Variants in NFKBIZ observed in about 807,000 individuals in gnomAD.
NFKBIZ encodes NF-kappa-B inhibitor zeta.
NFKBIZ carries 19 observed loss-of-function variants against 76.8 expected under a neutral mutation model. The ratio of observed to expected loss-of-function variants is 0.25; its 90% CI spans 0.17 to 0.36. NFKBIZ has a LOEUF of 0.36. Among genes scored for constraint, NFKBIZ ranks in the 10% least tolerant of loss-of-function variants. The pLI is 1.00. For synonymous variants in NFKBIZ, 368 were observed against 354.8 expected (o/e 1.04, Z -0.42); for missense variants, 829 against 910.9 (o/e 0.91, Z 1.16).
chr3:101,839,079 T>G (rs1942757503), intron 2 of NFKBIZ, among the ~76,000 whole-genome samples: 1 of 152,208 alleles, frequency 6.6e-6, no homozygotes, highest in Non-Finnish European at 1.5e-5. Flanking sequence ...TAATATATGT[T>G]ACATATGATA....
At chr3:101,842,307 G>T (rs1942795380) in intron 2 of NFKBIZ, among the ~76,000 whole-genome samples, 1 of 152,236 alleles carries the variant, frequency 6.6e-6, no homozygotes, top group South Asian at 2.1e-4. Context: ...ACTATACTCA[G>T]TTTCGTGTTA....
In NFKBIZ at chr3:101,853,361, C is replaced by G. The variant is rs752383426; in HGVS notation, c.835C>G (p.Gln279Glu). ...ACCATTCCAAGTCAGGGGCTCCCAACAAATGATAGACCAGGCTTCCCTGTA... is the reference window on the plus strand; with the variant it reads ...ACCATTCCAAGTCAGGGGCTCCCAAGAAATGATAGACCAGGCTTCCCTGTA... ...CQPFQVRGSQ[Q>E]MIDQASLYQY... The change falls in exon 5 of 12, where the codon CAA becomes GAA. Residue 279 changes from glutamine (Q) to glutamate (E), a missense_variant. Coordinates refer to ENST00000326172, the MANE Select transcript of NFKBIZ (RefSeq NM_031419.4). 6.2e-7 allele frequency: 1 copy of G among 1,614,156 alleles called. No homozygotes were observed. Among genetic ancestry groups the G allele is most frequent in the East Asian group, 2.2e-5 (1 of 44,884 alleles).
chr3:101,858,693 TC>T (rs1943089022), intron 11 of NFKBIZ, among the ~76,000 whole-genome samples: 1 of 152,224 alleles, frequency 6.6e-6, no homozygotes, highest in Admixed American at 6.5e-5. Flanking sequence ...CAATCGCCTT[TC>T]ATCTAAATTG....
chr3:101,831,419 G>C (rs72937698), intron 2 of NFKBIZ, among the ~76,000 whole-genome samples: 2,657 of 152,198 alleles, frequency 0.017, 77 homozygotes, highest in African/African-American at 0.061. Flanking sequence ...AAATGCTCTG[G>C]ATGTACTTAT....
At chr3:101,852,853 A>G (rs1299065433) in intron 3 of NFKBIZ, 33 bp from the exon 4 acceptor site, 1 of 1,605,210 alleles carries the variant, frequency 6.2e-7, no homozygotes, top group African/African-American at 1.3e-5. Flanking sequence ...ATAAAATAAA[A>G]TGATGACAGA....
chr3:101,850,761 T>C (rs1301148182), intron 1 of NFKBIZ, among the ~76,000 whole-genome samples: 1 of 152,238 alleles, frequency 6.6e-6, no homozygotes, highest in African/African-American at 2.4e-5. Flanking sequence ...CTGTTTTGGT[T>C]GTCATTTATT....
chr3:101,834,310 C>A (rs1302311244), intron 2 of NFKBIZ, among the ~76,000 whole-genome samples: 1 of 151,690 alleles, frequency 6.6e-6, no homozygotes, highest in Non-Finnish European at 1.5e-5. Flanking sequence ...CTTCCCTTAC[C>A]TCCTTCTCTC....
chr3:101,847,454 G>C (rs1397404697), upstream of NFKBIZ, among the ~76,000 whole-genome samples: 2 of 152,220 alleles, frequency 1.3e-5, no homozygotes, highest in African/African-American at 4.8e-5. Flanking sequence ...GTCATGCATT[G>C]CTTAACGATG....
In NFKBIZ at chr3:101,853,232, C is replaced by A. The variant is rs141771799; in HGVS notation, c.706C>A (p.Gln236Lys). 290 of 1,614,144 alleles carry A rather than the reference C, an allele frequency of 1.8e-4. 1 individual carries two copies. In the Middle Eastern group the frequency reaches 3.0e-3, roughly 17 times the overall value. ...CAGCCCCGTTTCCCTGAACACAGTT[C>A]AAGTTAGCTGGCTGAACCCCGTGGT... ...ECSPVSLNTVQVSWLNPVVVP... is the reference protein window; with the variant it reads ...ECSPVSLNTVKVSWLNPVVVP... The change falls in exon 5 of 12, where the codon CAA becomes AAA. Residue 236 changes from glutamine (Q) to lysine (K), a missense_variant. Coordinates refer to ENST00000326172, the MANE Select transcript of NFKBIZ (RefSeq NM_031419.4).
intron 2 of NFKBIZ, among the ~76,000 whole-genome samples, chr3:101,840,442 T>TA (rs1942773487): frequency 6.6e-6 from 1 of 152,232 alleles, no homozygotes; most frequent in Non-Finnish European, 1.5e-5. Context: ...GGTACACAGG[T>TA]AGCCCTTCAG....
At chr3:101,833,678 T>C (rs1942676797) in intron 2 of NFKBIZ, among the ~76,000 whole-genome samples, 2 of 152,280 alleles carry the variant, frequency 1.3e-5, no homozygotes, top group Admixed American at 6.5e-5. Context: ...GGCTGATATA[T>C]CATGGACCTT....
At chr3:101,843,239 A>G (rs1942810697) in intron 2 of NFKBIZ, among the ~76,000 whole-genome samples, 2 of 152,162 alleles carry the variant, frequency 1.3e-5, no homozygotes, top group Admixed American at 1.3e-4. Flanking sequence ...GTTCCAGACA[A>G]GCCTAGGCAA....
chr3:101,857,032 G>A (rs777863165), intron 9 of NFKBIZ, 41 bp from the exon 10 acceptor site: 18 of 1,335,488 alleles, frequency 1.3e-5, no homozygotes, highest in South Asian at 6.1e-5. Flanking sequence ...ATAGTATCTG[G>A]ATTTTTTTTT....
intron 1 of NFKBIZ, among the ~76,000 whole-genome samples, chr3:101,850,814 C>T (rs367912655): frequency 2.0e-5 from 3 of 152,308 alleles, no homozygotes; most frequent in African/African-American, 4.8e-5. Context: ...CATTTAAAAT[C>T]ATGCGAAAAG....
chr3:101,849,752 G>T lies in NFKBIZ; in HGVS notation c.124G>T (p.Ala42Ser). 6.9e-7 allele frequency: 1 copy of T among 1,449,492 alleles called. No homozygotes were observed. The highest frequency in any genetic ancestry group is 9.0e-7 in the Non-Finnish European group (1 of 1,106,240). 89.8% of individuals were successfully genotyped at this position (1,449,492 alleles called of 1,614,324 possible). A position where few individuals can be genotyped will look rare whatever the true frequency, so the allele number is the denominator to read the frequency against. ...LSYFYGASPP[A>S]AAPGACDASC... ...CTACTTCTACGGCGCGTCGCCGCCC[G>T]CCGCCGCCCCGGGCGCCTGCGACGC... Residue 42 changes from alanine to serine, a missense_variant, in exon 1 of 12, where the codon GCC becomes TCC. Physicochemically the swap from Ala to Ser is moderately conservative, Grantham distance 99. Coordinates refer to ENST00000326172, the MANE Select transcript of NFKBIZ (RefSeq NM_031419.4).
intron 11 of NFKBIZ, 156 bp downstream of exon 11, chr3:101,857,615 T>TA: frequency 2.0e-6 from 2 of 985,458 alleles, no homozygotes; most frequent in South Asian, 4.7e-5. Context: ...ATTGTGGAGT[T>TA]ACTCTTCGTT....
In NFKBIZ at chr3:101,849,888, G is replaced by A; in HGVS notation, c.260G>A (p.Arg87Lys). Reference sequence around the variant, plus strand: ...TGCGGCGCCGTGGAGTCCCGGTCGAGAGGCGGCGCCCGCGCCGAGCGCCAG... The same window carrying A: ...TGCGGCGCCGTGGAGTCCCGGTCGAAAGGCGGCGCCCGCGCCGAGCGCCAG... ...SSCGAVESRS[R>K]GGARAERQPV... The change falls in exon 1 of 12, where the codon AGA becomes AAA. Residue 87 changes from arginine (R) to lysine (K), a missense_variant. Coordinates refer to ENST00000326172, the MANE Select transcript of NFKBIZ (RefSeq NM_031419.4). The A allele has an allele frequency of 6.9e-7, 1 of 1,441,342 alleles. No individual in the cohort carries two copies. 89.3% of individuals were successfully genotyped at this position (1,441,342 alleles called of 1,614,324 possible). A position where few individuals can be genotyped will look rare whatever the true frequency, so the allele number is the denominator to read the frequency against.
chr3:101,852,230 A>G lies in NFKBIZ; in HGVS notation c.429+6A>G. On this transcript the variant is annotated splice_donor_region_variant and intron_variant, in intron 2 of 11. Coordinates refer to ENST00000326172, the MANE Select transcript of NFKBIZ (RefSeq NM_031419.4). ...AAGCTGTGGATGATTTTAAGGTGAC[A>G]TCTATTTTTCTGTTTTGAGTATAGA... is the stretch of plus-strand genomic sequence containing the variant. The G allele has an allele frequency of 1.9e-6, 3 of 1,613,574 alleles. No homozygotes were observed. Among genetic ancestry groups the G allele is most frequent in the Non-Finnish European group, 1.7e-6 (2 of 1,179,768 alleles).
intron 5 of NFKBIZ, 74 bp downstream of exon 5, chr3:101,853,937 T>C: frequency 6.9e-7 from 1 of 1,453,688 alleles, no homozygotes; most frequent in South Asian, 1.3e-5. Flanking sequence ...ATAATTTTTC[T>C]AGGGTATAAC....
Sources: allele counts gnomAD v4.1 joint callset (sites outside exome capture counted in the v4.1 genomes callset), GRCh38; gene constraint gnomAD v4.1.1; transcripts MANE v1.5; gene names NCBI Gene and HGNC (gene_info 2026-07-23, HGNC 2026-07-21).